The following PIGL variants were observed in gnomAD, a reference collection of about 807,000 sequenced individuals.
PIGL encodes the protein N-acetylglucosaminyl-phosphatidylinositol de-N-acetylase.
A neutral mutation model predicts 31.1 loss-of-function variants in PIGL; 22 were observed. The observed-to-expected ratio is 0.71, with a 90% CI of 0.51 to 1.01. The LOEUF is 1.01. PIGL is among the 50% of genes least tolerant of loss of function. PIGL has a pLI of 0.00. For missense variants in PIGL, 302 were observed against 315.9 expected (o/e 0.96, Z 0.33); for synonymous variants, 131 against 117.4 (o/e 1.12, Z -0.75).
chr17:16,270,990 T>G (rs750946453), intron 2 of PIGL, among the ~76,000 whole-genome samples: 1 of 152,194 alleles, frequency 6.6e-6, no homozygotes, highest in African/African-American at 2.4e-5. Context: ...GGATGTATTA[T>G]GAATGACTGC....
chr17:16,249,793 T>C (rs750829697), intron 2 of PIGL, among the ~76,000 whole-genome samples: 16 of 152,270 alleles, frequency 1.1e-4, no homozygotes, highest in Non-Finnish European at 2.2e-4. Flanking sequence ...CTGATTGTAT[T>C]GTGCCTACCT....
chr17:16,224,476 T>G (rs781677724), intron 1 of PIGL, among the ~76,000 whole-genome samples: 2 of 151,206 alleles, frequency 1.3e-5, no homozygotes, highest in Non-Finnish European at 2.9e-5. Flanking sequence ...CCAGCTAATT[T>G]TTGTATTTTT....
rs186195659 is a variant in PIGL, at chr17:16,266,657, G to A, written c.335+32587G>A. Among the ~76,000 whole-genome samples, 858 of 151,548 alleles carry A rather than the reference G, an allele frequency of 5.7e-3. 13 individuals carry two copies. The highest frequency in any genetic ancestry group is 0.019 in the African/African-American group (783 of 41,380). Reference sequence around the variant, plus strand: ...GTTGCCCAAGGTGGAGTGCAGTGGCGCTATCTCGGCTCACTGCAAGCTCCG... The same window carrying A: ...GTTGCCCAAGGTGGAGTGCAGTGGCACTATCTCGGCTCACTGCAAGCTCCG... On this transcript the variant is annotated intron_variant, in intron 2 of 6. Coordinates refer to ENST00000225609, the MANE Select transcript of PIGL (RefSeq NM_004278.4).
intron 2 of PIGL, among the ~76,000 whole-genome samples, chr17:16,255,203 T>G (rs535289960): frequency 6.6e-6 from 1 of 152,318 alleles, no homozygotes; most frequent in Admixed American, 6.5e-5. Context: ...AGTTTTAACC[T>G]TCTGGAAAGT....
At chr17:16,222,233 CTT>C (rs1475438811) in intron 1 of PIGL, among the ~76,000 whole-genome samples, 1 of 151,932 alleles carries the variant, frequency 6.6e-6, no homozygotes, top group Non-Finnish European at 1.5e-5. Context: ...CATTAAATCT[CTT>C]TTCAGGGGTT....
chr17:16,271,166 T>C (rs73287425), intron 2 of PIGL, among the ~76,000 whole-genome samples: 1 of 152,138 alleles, frequency 6.6e-6, no homozygotes. Flanking sequence ...TTAGGAATTA[T>C]TCTTCTTTAG....
intron 1 of PIGL, among the ~76,000 whole-genome samples, chr17:16,227,881 T>G (rs1473317533): frequency 6.6e-6 from 1 of 151,962 alleles, no homozygotes; most frequent in Non-Finnish European, 1.5e-5. Context: ...ACCCAGCCTT[T>G]TTAATTTTTT....
chr17:16,319,764 A>T (rs1285613735), intron 6 of PIGL, among the ~76,000 whole-genome samples: 2 of 151,896 alleles, frequency 1.3e-5, no homozygotes, highest in African/African-American at 4.8e-5. Flanking sequence ...CCAAAAAAAA[A>T]AAAAAAAGAG....
At chr17:16,246,119 G>A (rs576124371) in intron 2 of PIGL, among the ~76,000 whole-genome samples, 14 of 150,996 alleles carry the variant, frequency 9.3e-5, no homozygotes, top group East Asian at 2.0e-4. Flanking sequence ...CACTGCGCCC[G>A]GTCATGGCAC....
intron 2 of PIGL, among the ~76,000 whole-genome samples, chr17:16,242,954 A>G (rs1490003789): frequency 6.6e-6 from 1 of 152,100 alleles, no homozygotes; most frequent in Non-Finnish European, 1.5e-5. Context: ...AATCTATGTT[A>G]AACAAAAAAG....
chr17:16,258,069 AAG>A (rs749459552), intron 2 of PIGL, among the ~76,000 whole-genome samples: 4,464 of 90,402 alleles, frequency 0.049, 162 homozygotes, highest in East Asian at 0.11. Context: ...GTCAGAAAGA[AAG>A]AGAGAGAGAG....
chr17:16,326,211 A>G lies in PIGL; in HGVS notation c.*313A>G. 3.2e-6 allele frequency: 1 copy of G among 313,018 alleles called. No homozygotes were observed. Among genetic ancestry groups the G allele is most frequent in the Middle Eastern group, 9.6e-4 (1 of 1,038 alleles). The allele number at this position is 313,018 out of a possible 1,614,324, so 19.4% of individuals were successfully genotyped here. ...GGAACACCTAGCCCAGTGCCTGGGC[A>G]GGTCCCTATTATCATAAATGAACAT... On this transcript the variant is annotated 3_prime_UTR_variant, in exon 7 of 7. Coordinates refer to ENST00000225609, the MANE Select transcript of PIGL (RefSeq NM_004278.4).
chr17:16,283,914 G>C (rs189845229), intron 2 of PIGL: 1 of 151,846 alleles, frequency 6.6e-6, no homozygotes, highest in African/African-American at 2.4e-5. Flanking sequence ...AATACATCCC[G>C]CATCTGCCTC....
At chr17:16,320,466 G>C (rs2093100291) in intron 6 of PIGL, among the ~76,000 whole-genome samples, 2 of 43,932 alleles carry the variant, frequency 4.6e-5, no homozygotes, top group African/African-American at 1.9e-4. Flanking sequence ...GGGAAGGAGG[G>C]AAGGAAGGGA....
intron 3 of PIGL, among the ~76,000 whole-genome samples, chr17:16,305,111 A>G (rs2093021202): frequency 1.3e-5 from 2 of 152,122 alleles, no homozygotes; most frequent in Admixed American, 1.3e-4. Flanking sequence ...CCCTGCCTCT[A>G]CAAAAAAATT....
intron 6 of PIGL, among the ~76,000 whole-genome samples, chr17:16,321,656 C>A (rs758433039): frequency 1.3e-5 from 2 of 152,074 alleles, no homozygotes; most frequent in East Asian, 3.8e-4. Flanking sequence ...ATAGTGCATT[C>A]GTTTTTGTAT....
intron 1 of PIGL, among the ~76,000 whole-genome samples, chr17:16,232,903 A>G (rs2092684779): frequency 6.6e-6 from 1 of 152,094 alleles, no homozygotes; most frequent in African/African-American, 2.4e-5. Flanking sequence ...ATGGATCACA[A>G]GGTCAGGAGT....
At chr17:16,224,107 C>A (rs1303843708) in intron 1 of PIGL, among the ~76,000 whole-genome samples, 3 of 151,496 alleles carry the variant, frequency 2.0e-5, no homozygotes, top group African/African-American at 7.3e-5. Context: ...CCCAGCTACT[C>A]AGGAGGCTGA....
In PIGL at chr17:16,320,202, A is replaced by AAAGGAAGG. The variant is rs199746775; in HGVS notation, c.660+2337_660+2344dup. Among the ~76,000 whole-genome samples, 243 of 63,328 alleles carry AAAGGAAGG rather than the reference A, an allele frequency of 3.8e-3. 2 individuals are homozygous for AAAGGAAGG. Among genetic ancestry groups the AAAGGAAGG allele is most frequent in the Middle Eastern group, 0.017 (1 of 60 alleles). The allele number at this position is 63,328 out of a possible 152,430, so 41.5% of individuals were successfully genotyped here. A position where few individuals can be genotyped will look rare whatever the true frequency, so the allele number is the denominator to read the frequency against. On this transcript the variant is annotated intron_variant, in intron 6 of 6. Coordinates refer to ENST00000225609, the MANE Select transcript of PIGL (RefSeq NM_004278.4). Reference sequence around the variant, plus strand: ...AGAGAAGGAGAGAGTGAGAGAAAGAAAAGGAAGGAAGGAAGGAAGGAAGGA... The same window carrying AAAGGAAGG: ...AGAGAAGGAGAGAGTGAGAGAAAGAAAAGGAAGGAAGGAAGGAAGGAAGGAAGGAAGGA...
Sources: gnomAD v4.1 joint callset for allele counts (sites outside exome capture counted in the v4.1 genomes callset) on GRCh38, gnomAD v4.1.1 for gene constraint, MANE v1.5 for transcripts, NCBI Gene and HGNC (gene_info 2026-07-23, HGNC 2026-07-21) for gene names.